Variants in RET observed in about 807,000 individuals in gnomAD.
RET encodes the protein proto-oncogene tyrosine-protein kinase receptor Ret.
Under a neutral mutation model 118.3 loss-of-function variants are expected in RET, and 19 were observed. The ratio of observed to expected loss-of-function variants is 0.16; its 90% CI spans 0.11 to 0.24. The LOEUF is 0.24. Ranked by LOEUF, RET falls within the 10% of genes least tolerant of loss-of-function variation. RET has a pLI of 1.00. For synonymous variants in RET, 597 were observed against 644.1 expected (o/e 0.93, Z 1.11); for missense variants, 1,219 against 1,502.1 (o/e 0.81, Z 3.12).
intron 1 of RET, among the ~76,000 whole-genome samples, chr10:43,092,233 T>C (rs1436677515): frequency 1.3e-5 from 2 of 152,242 alleles, no homozygotes; most frequent in African/African-American, 4.8e-5. Context: ...GGACAAGCAC[T>C]GTATGATTCC....
At chr10:43,092,663 G>A (rs531833963) in intron 1 of RET, among the ~76,000 whole-genome samples, 1 of 152,340 alleles carries the variant, frequency 6.6e-6, no homozygotes, top group East Asian at 1.9e-4. Flanking sequence ...GCATGCTGCA[G>A]GTGGTCCTAC....
At position 43,116,801 on chromosome 10, in the gene RET, T is replaced by C. The variant is rs533803640; in HGVS notation, c.2284+70T>C. On this transcript the variant is annotated intron_variant, in intron 12 of 19. Transcript: ENST00000355710. ...GGCGGGGGGCGGGTGAGGCCCCTCC[T>C]GCCCAGCATGGGACCCTGAAGAGCC... 9 of 1,554,938 alleles carry C rather than the reference T, an allele frequency of 5.8e-6. No individual in the cohort carries two copies. The African/African-American group carries it at 6.8e-5, about 12-fold the overall frequency.
chr10:43,124,094 A>G lies in RET; in HGVS notation c.2939+286A>G, dbSNP rs76718568. ...TGAGAGCTGTCCCAGCAGGACACTT[A>G]GGGAGGAGAAGGTAATTCCAGATGG... On this transcript the variant is annotated intron_variant, in intron 17 of 19. Transcript: ENST00000355710. Among the ~76,000 whole-genome samples the G allele has an allele frequency of 0.039, 5,929 of 152,214 alleles. 146 individuals are homozygous for G. The highest frequency in any genetic ancestry group is 0.086 in the South Asian group (416 of 4,830).
chr10:43,079,119 G>T (rs926005190), intron 1 of RET, among the ~76,000 whole-genome samples: 1 of 152,338 alleles, frequency 6.6e-6, no homozygotes, highest in East Asian at 1.9e-4. Flanking sequence ...CACTTTAGTG[G>T]CTGGGCCTGA....
At chr10:43,118,924 A>G (rs1315764092) in intron 13 of RET, among the ~76,000 whole-genome samples, 1 of 152,250 alleles carries the variant, frequency 6.6e-6, no homozygotes, top group East Asian at 1.9e-4. Flanking sequence ...TTTCTCAGAT[A>G]AAGACCCAGG....
chr10:43,099,479 C>G (rs867166851), intron 1 of RET, among the ~76,000 whole-genome samples: 13 of 151,572 alleles, frequency 8.6e-5, no homozygotes, highest in Non-Finnish European at 1.5e-4. Flanking sequence ...CCATTGCATT[C>G]CAGCCTAGGC....
At position 43,128,579 on chromosome 10, in the gene RET, G is replaced by A; in HGVS notation, c.*310G>A. ...GTCCATCAGTGACCACCAACATTCT[G>A]TGTTCACATGTGTGGGTCCAACACT... On this transcript the variant is annotated 3_prime_UTR_variant, in exon 20 of 20. Transcript: ENST00000355710. 1 of 486,124 alleles carries A rather than the reference G, an allele frequency of 2.1e-6. No homozygotes were observed. The highest frequency in any genetic ancestry group is 3.8e-6 in the Non-Finnish European group (1 of 263,832). The allele number at this position is 486,124 out of a possible 1,614,324, so 30.1% of individuals were successfully genotyped here. A position where few individuals can be genotyped will look rare whatever the true frequency, so the allele number is the denominator to read the frequency against.
In RET at chr10:43,077,286, G is replaced by A; in HGVS notation, c.28G>A (p.Gly10Arg). 1 of 1,509,016 alleles carries A rather than the reference G, an allele frequency of 6.6e-7. No homozygotes were observed. Among genetic ancestry groups the A allele is most frequent in the Non-Finnish European group, 8.8e-7 (1 of 1,134,358 alleles). The allele number at this position is 1,509,016 out of a possible 1,614,324, so 93.5% of individuals were successfully genotyped here. A position where few individuals can be genotyped will look rare whatever the true frequency, so the allele number is the denominator to read the frequency against. The change falls in exon 1 of 20, where the codon GGG becomes AGG. Residue 10 changes from glycine (G) to arginine (R), a missense_variant. By Grantham distance (125) the Gly-to-Arg change is moderately radical (BLOSUM62 -2). This residue lies in a region of RET where 38 missense variants were observed against 33.1 expected (regional missense o/e 1.15). Coordinates refer to ENST00000355710, the MANE Select transcript of RET (RefSeq NM_020975.6). MAKATSGAA[G>R]LRLLLLLLLP... ...GGCGAAGGCGACGTCCGGTGCCGCG[G>A]GGCTGCGTCTGCTGTTGCTGCTGCT...
At chr10:43,124,334 C>A (rs1003188855) in intron 17 of RET, among the ~76,000 whole-genome samples, 6 of 152,098 alleles carry the variant, frequency 3.9e-5, no homozygotes, top group Non-Finnish European at 8.8e-5. Context: ...GTGGAGGGGG[C>A]ATGCTGGGCC....
intron 1 of RET, among the ~76,000 whole-genome samples, chr10:43,097,380 A>G (rs1837543518): frequency 6.6e-6 from 1 of 152,166 alleles, no homozygotes; most frequent in South Asian, 2.1e-4. Flanking sequence ...TGGGAAGACC[A>G]GGGCCAGAGG....
rs1837992915 is a variant in RET, at chr10:43,113,600, A to T, written c.1804A>T (p.Ile602Phe). 1 of 1,612,234 alleles carries T rather than the reference A, an allele frequency of 6.2e-7. No homozygotes were observed. Reference sequence around the variant, plus strand: ...ACACGAGCCTGGGGAGCCCCGGGGGATTAAAGCTGGCTATGGCACCTGCAA... The same window carrying T: ...ACACGAGCCTGGGGAGCCCCGGGGGTTTAAAGCTGGCTATGGCACCTGCAA... ...GGHEPGEPRG[I>F]KAGYGTCNCF... The change falls in exon 10 of 20, where the codon ATT becomes TTT. Residue 602 changes from isoleucine (I) to phenylalanine (F), a missense_variant. By Grantham distance (21) the Ile-to-Phe change is conservative. Around this residue, in one of 5 missense-constraint regions of RET, gnomAD observed 850 missense variants for 969.6 expected, o/e 0.88. Transcript: ENST00000355710.
At position 43,106,438 on chromosome 10, in the gene RET, G is replaced by C. The variant is rs763473665; in HGVS notation, c.930G>C (p.Leu310=). 6.2e-7 allele frequency: 1 copy of C among 1,613,522 alleles called. No homozygotes were observed. Among genetic ancestry groups the C allele is most frequent in the Non-Finnish European group, 8.5e-7 (1 of 1,179,864 alleles). Residue 310 remains leucine (L), a synonymous_variant, in exon 5 of 20, where the codon CTG becomes CTC. Transcript: ENST00000355710. The surrounding 1 kb of genome is among the most constrained non-coding windows in gnomAD (Gnocchi z 5.1). The stretch of plus-strand genomic sequence containing the variant: ...ACGTGGTACCTGCATCAGGGGAGCT[G>C]GTGAGGCGGTACACAAGCACGCTGC... ...DADVVPASGE[L]VRRYTSTLLP...
chr10:43,114,040 T>C lies in RET; in HGVS notation c.1879+365T>C, dbSNP rs1838006976. 6.6e-6 allele frequency among the ~76,000 whole-genome samples: 1 copy of C among 152,236 alleles called. No homozygotes were observed. Among genetic ancestry groups the C allele is most frequent in the Non-Finnish European group, 1.5e-5 (1 of 68,044 alleles). On this transcript the variant is annotated intron_variant, in intron 10 of 19. Transcript: ENST00000355710. The surrounding 1 kb of genome is among the most constrained non-coding windows in gnomAD (Gnocchi z 4.6). ...CACTGACTACACTCAGGGGTGCTGT[T>C]CTGCCTGAGCATAGGGACACGTTTC...
At chr10:43,126,326 T>A (rs1353538116) in intron 18 of RET, among the ~76,000 whole-genome samples, 1 of 151,860 alleles carries the variant, frequency 6.6e-6, no homozygotes, top group Non-Finnish European at 1.5e-5. Flanking sequence ...CCCAGGGAGG[T>A]GACTTTCCAG....
rs75224769 is a variant in RET at position 43,110,448 on chromosome 10, G to A, written c.1264-759G>A. On this transcript the variant is annotated intron_variant, in intron 6 of 19. Transcript: ENST00000355710. ...GGAGAGCCCAGCCCTGCTCTGGCCC[G>A]CCCCCATCTCGCCATCTGTGGAACT... 1.3e-3 allele frequency among the ~76,000 whole-genome samples: 203 copies of A among 152,234 alleles called. 4 individuals carry two copies. In the East Asian group the frequency reaches 0.032, roughly 24 times the overall value.
intron 18 of RET, among the ~76,000 whole-genome samples, chr10:43,125,810 A>G (rs1838315926): frequency 6.6e-6 from 1 of 152,148 alleles, no homozygotes; most frequent in African/African-American, 2.4e-5. Context: ...AGGACCTAGG[A>G]CCCCATAGGA....
At position 43,114,351 on chromosome 10, in the gene RET, C is replaced by G; in HGVS notation, c.1880-129C>G. The G allele has an allele frequency of 7.6e-7, 1 of 1,312,496 alleles. No homozygotes were observed. Among genetic ancestry groups the G allele is most frequent in the Non-Finnish European group, 1.1e-6 (1 of 941,894 alleles). 81.3% of individuals were successfully genotyped at this position (1,312,496 alleles called of 1,614,324 possible). A position where few individuals can be genotyped will look rare whatever the true frequency, so the allele number is the denominator to read the frequency against. On this transcript the variant is annotated intron_variant, in intron 10 of 19. Coordinates refer to ENST00000355710, the MANE Select transcript of RET (RefSeq NM_020975.6). This position sits in a 1 kb window ranked among gnomAD's most constrained non-coding sequence, Gnocchi z 4.6. ...GGGGTGTTCTCAGGCCTTCCCACAC[C>G]TCCATGGCCACTTCCCAGCTGGCGC...
In RET at chr10:43,106,035, C is replaced by T. The variant is rs755747747; in HGVS notation, c.868-341C>T. ...CCTTCACCCTGTGGGGCCCAGCTTCCTCAGGGGAGAGTGGAGGTGCTCATC... is the reference window on the plus strand; with the variant it reads ...CCTTCACCCTGTGGGGCCCAGCTTCTTCAGGGGAGAGTGGAGGTGCTCATC... On this transcript the variant is annotated intron_variant, in intron 4 of 19. Coordinates refer to ENST00000355710, the MANE Select transcript of RET (RefSeq NM_020975.6). This position sits in a 1 kb window ranked among gnomAD's most constrained non-coding sequence, Gnocchi z 5.1. Among the ~76,000 whole-genome samples the T allele has an allele frequency of 1.3e-4, 20 of 152,298 alleles. No individual in the cohort carries two copies. Among genetic ancestry groups the T allele is most frequent in the Admixed American group, 4.6e-4 (7 of 15,302 alleles).
At position 43,129,734 on chromosome 10, in the gene RET, T is replaced by C. The variant is rs946462631; in HGVS notation, c.*1465T>C. The C allele has an allele frequency of 2.6e-6, 1 of 382,204 alleles. No homozygotes were observed. Among genetic ancestry groups the C allele is most frequent in the Non-Finnish European group, 4.6e-6 (1 of 215,954 alleles). The allele number at this position is 382,204 out of a possible 1,614,324, so 23.7% of individuals were successfully genotyped here. A position where few individuals can be genotyped will look rare whatever the true frequency, so the allele number is the denominator to read the frequency against. ...CACAAAAACAGCAAAATTGTGGCATTTTGTGAGGCCAAGGCTTGGATGCGT... is the reference window on the plus strand; with the variant it reads ...CACAAAAACAGCAAAATTGTGGCATCTTGTGAGGCCAAGGCTTGGATGCGT... On this transcript the variant is annotated 3_prime_UTR_variant, in exon 20 of 20. Coordinates refer to ENST00000355710, the MANE Select transcript of RET (RefSeq NM_020975.6).
Sources: gnomAD v4.1 joint callset for allele counts (sites outside exome capture counted in the v4.1 genomes callset) on GRCh38, gnomAD v4.1.1 for gene constraint, gnomAD v4.1.1 regional missense constraint, Gnocchi (gnomAD v3.1) non-coding constraint, MANE v1.5 for transcripts, NCBI Gene and HGNC (gene_info 2026-07-23, HGNC 2026-07-21) for gene names.